Variants in OTOGL observed in about 807,000 individuals in gnomAD.
OTOGL encodes otogelin-like protein.
A neutral mutation model predicts 318.5 loss-of-function variants in OTOGL; 285 were observed. That is an observed-to-expected ratio of 0.89 (90% CI 0.81 to 0.99). The LOEUF (loss-of-function observed/expected upper bound fraction) is 0.99, where lower values mean the gene tolerates loss of function less well. Among genes scored for constraint, OTOGL ranks in the 50% least tolerant of loss-of-function variants. The pLI is 0.00. For missense variants in OTOGL, 2,899 were observed against 2,845.6 expected (o/e 1.02, Z -0.43); for synonymous variants, 987 against 936.5 (o/e 1.05, Z -0.99).
At chr12:80,200,671 G>A (rs1233805415) in intron 1 of OTOGL, among the ~76,000 whole-genome samples, 1 of 152,192 alleles carries the variant, frequency 6.6e-6, no homozygotes, top group Non-Finnish European at 1.5e-5. Context: ...AAAACACTGA[G>A]CAAGAAGAGG....
At chr12:80,163,035 CA>C (rs1213692838) in intron 1 of OTOGL, among the ~76,000 whole-genome samples, 8 of 151,260 alleles carry the variant, frequency 5.3e-5, no homozygotes, top group Non-Finnish European at 5.9e-5. Flanking sequence ...ATATTCTTTC[CA>C]AAAAAATGGA....
rs532635811 is a variant in OTOGL at position 80,307,681 on chromosome 12, G to A, written c.3333+1986G>A. On this transcript the variant is annotated intron_variant, in intron 29 of 58. Transcript: ENST00000547103. ...CAGAGTGGCTCCTCACTTCCCAGTA[G>A]GGGCGGCCAGGCAGAGGCGCCCCTC... Among the ~76,000 whole-genome samples the A allele has an allele frequency of 2.4e-3, 341 of 144,576 alleles. 2 individuals are homozygous for A. Among genetic ancestry groups the A allele is most frequent in the African/African-American group, 8.6e-3 (329 of 38,354 alleles). The allele number at this position is 144,576 out of a possible 152,430, so 94.8% of individuals were successfully genotyped here.
chr12:80,127,792 A>G (rs2137113265), intron 1 of OTOGL, among the ~76,000 whole-genome samples: 1 of 151,974 alleles, frequency 6.6e-6, no homozygotes, highest in African/African-American at 2.4e-5. Flanking sequence ...CATTTATTTG[A>G]TCTTCCATCA....
intron 33 of OTOGL, among the ~76,000 whole-genome samples, chr12:80,319,694 A>G (rs1352824527): frequency 6.6e-6 from 1 of 152,214 alleles, no homozygotes; most frequent in Non-Finnish European, 1.5e-5. Context: ...TTTACTAGAA[A>G]AAATCCAAAT....
At chr12:80,118,526 A>G (rs1870301004) in intron 1 of OTOGL, among the ~76,000 whole-genome samples, 1 of 152,204 alleles carries the variant, frequency 6.6e-6, no homozygotes, top group Non-Finnish European at 1.5e-5. Context: ...TAAATTCAAT[A>G]TACTTACAAA....
chr12:80,200,044 G>T (rs557479332), intron 1 of OTOGL, among the ~76,000 whole-genome samples: 1 of 152,152 alleles, frequency 6.6e-6, no homozygotes, highest in Non-Finnish European at 1.5e-5. Flanking sequence ...ATGACCATTG[G>T]CATCATCATT....
In OTOGL at chr12:80,223,761, CT is replaced by C. The variant is rs1878573338; in HGVS notation, c.489+1521del. 2.6e-5 allele frequency among the ~76,000 whole-genome samples: 4 copies of C among 152,018 alleles called. No homozygotes were observed. The South Asian group carries it at 8.3e-4, about 32-fold the overall frequency. ...ATTGTCTATTCATGTCCTTAGCTCA[CT>C]TTTTGATGGAATTGTTTGTTTTTTT... is the stretch of plus-strand genomic sequence containing the variant. On this transcript the variant is annotated intron_variant, in intron 7 of 58. Coordinates refer to ENST00000547103, the MANE Select transcript of OTOGL (RefSeq NM_001378609.3).
At chr12:80,317,735 A>G (rs1887062616) in intron 32 of OTOGL, among the ~76,000 whole-genome samples, 3 of 152,220 alleles carry the variant, frequency 2.0e-5, no homozygotes, top group East Asian at 1.9e-4. Context: ...GACTATTGCT[A>G]TAATTTTCTT....
chr12:80,190,180 A>G (rs1291786118), intron 1 of OTOGL, among the ~76,000 whole-genome samples: 3 of 152,228 alleles, frequency 2.0e-5, no homozygotes, highest in African/African-American at 7.2e-5. Context: ...ATGCATGCTT[A>G]TCACTGATAC....
intron 43 of OTOGL, among the ~76,000 whole-genome samples, chr12:80,340,658 A>G (rs945860248): frequency 1.3e-5 from 2 of 152,110 alleles, no homozygotes; most frequent in South Asian, 2.1e-4. Flanking sequence ...GACCTCCACA[A>G]TGAGAGAAGT....
chr12:80,147,381 A>G (rs1248424126), intron 1 of OTOGL, among the ~76,000 whole-genome samples: 1 of 148,846 alleles, frequency 6.7e-6, no homozygotes, highest in East Asian at 2.0e-4. Context: ...GAGACTCTTA[A>G]TCCTGAGTTC....
chr12:80,301,733 C>G (rs927640300), intron 27 of OTOGL, among the ~76,000 whole-genome samples: 2 of 152,150 alleles, frequency 1.3e-5, no homozygotes, highest in African/African-American at 4.8e-5. Context: ...TTCCTGCCCC[C>G]CTACACACAT....
chr12:80,267,754 T>C (rs1883106179), intron 22 of OTOGL, among the ~76,000 whole-genome samples: 1 of 151,998 alleles, frequency 6.6e-6, no homozygotes, highest in Non-Finnish European at 1.5e-5. Context: ...TATAATCATG[T>C]GATTGTATAT....
chr12:80,302,486 T>C, intron 27 of OTOGL, 148 bp from the exon 28 acceptor site: 1 of 500,004 alleles, frequency 2.0e-6, no homozygotes, highest in South Asian at 1.0e-4. Context: ...AATTGTTTTG[T>C]CTTTTCTTAC....
At chr12:80,333,520 G>T (rs1368530408) in intron 38 of OTOGL, among the ~76,000 whole-genome samples, 1 of 151,800 alleles carries the variant, frequency 6.6e-6, no homozygotes, top group Non-Finnish European at 1.5e-5. Flanking sequence ...TATACCATTT[G>T]CTCTGATAAA....
intron 1 of OTOGL, among the ~76,000 whole-genome samples, chr12:80,187,114 A>G (rs148989395): frequency 2.0e-5 from 3 of 152,244 alleles, no homozygotes; most frequent in African/African-American, 4.8e-5. Context: ...CTTTGAACAC[A>G]TCCAGAGCTC....
rs747064202 is a variant in OTOGL at position 80,358,797 on chromosome 12, A to C, written c.6226+22A>C. The C allele has an allele frequency of 4.4e-6, 7 of 1,578,008 alleles. No homozygotes were observed. The African/African-American group carries it at 8.1e-5, about 18-fold the overall frequency. On this transcript the variant is annotated intron_variant, in intron 51 of 58. Transcript: ENST00000547103. ...TGTGGTAACTAATTTTCATATTTTA[A>C]GGTTTCATTATAATAAGTTAATTAT... is the stretch of plus-strand genomic sequence containing the variant.
rs1888370276 is a variant in OTOGL at position 80,336,022 on chromosome 12, G to A, written c.4482G>A (p.Trp1494Ter). The change falls in exon 39 of 59, where the codon TGG (tryptophan) becomes TGA (stop). Residue 1494 changes from tryptophan to a stop codon, truncating the protein, a stop_gained. Coordinates refer to ENST00000547103, the MANE Select transcript of OTOGL (RefSeq NM_001378609.3). LOFTEE classifies it high-confidence loss of function. ...AATACATATGCCTTAATATGGAATG[G>A]CAGTTATACAACTGGTCCCTTAATT... ...CSQYICLNMEWQLYNWSLNCP... is the reference protein window; with the variant it reads ...CSQYICLNME The A allele has an allele frequency of 6.3e-7, 1 of 1,598,404 alleles. No individual in the cohort carries two copies. Among genetic ancestry groups the A allele is most frequent in the Admixed American group, 1.7e-5 (1 of 59,872 alleles).
chr12:80,179,731 T>C (rs933864805), intron 1 of OTOGL, among the ~76,000 whole-genome samples: 4 of 152,202 alleles, frequency 2.6e-5, no homozygotes, highest in African/African-American at 9.6e-5. Context: ...GCATGAAGTT[T>C]GGCCAGTTTT....
Sources: allele counts gnomAD v4.1 joint callset (sites outside exome capture counted in the v4.1 genomes callset), GRCh38; gene constraint gnomAD v4.1.1; transcripts MANE v1.5; gene names NCBI Gene and HGNC (gene_info 2026-07-23, HGNC 2026-07-21).